The following LRP2 variants were observed in gnomAD, a reference collection of about 807,000 sequenced individuals.
LRP2 encodes the protein low-density lipoprotein receptor-related protein 2.
In LRP2, 172 loss-of-function variants were observed where a neutral mutation model predicts 531.0. That is an observed-to-expected ratio of 0.32 (90% CI 0.29 to 0.37). The LOEUF is 0.37. LRP2 is among the 10% of genes least tolerant of loss of function. LRP2 has a pLI of 1.00. For missense variants in LRP2, 5,167 were observed against 5,868.3 expected, an observed-to-expected ratio of 0.88 and a Z score of 3.90; for synonymous variants, 1,992 against 2,027.6, an observed-to-expected ratio of 0.98 and a Z score of 0.47.
At chr2:169,197,684 C>T (rs1413248941) in intron 45 of LRP2, among the ~76,000 whole-genome samples, 1 of 152,144 alleles carries the variant, frequency 6.6e-6, no homozygotes, top group African/African-American at 2.4e-5. Context: ...TGCTTTGGCC[C>T]CTGATATCTG....
intron 4 of LRP2, among the ~76,000 whole-genome samples, chr2:169,299,147 GAAAGAAAGAAAAAAAGAAAGAAAGAA>G (rs1559064010): frequency 0.24 from 10,231 of 42,970 alleles, 1,036 homozygotes; most frequent in Middle Eastern, 0.3. Context: ...AAGAAAGAAA[GAAAGAAAGAAAAAAAGAAAGAAAGAA>G]AAAGAAAGAA....
chr2:169,160,361 G>A (rs1048462848), intron 63 of LRP2, among the ~76,000 whole-genome samples: 28 of 151,918 alleles, frequency 1.8e-4, no homozygotes, highest in African/African-American at 6.8e-4. Context: ...CTATATATAA[G>A]TACATCAAAA....
rs1683935568 is a variant in LRP2 at position 169,289,149 on chromosome 2, A to T, written c.923-4T>A. The T allele has an allele frequency of 6.2e-7, 1 of 1,613,892 alleles. No individual in the cohort carries two copies. The highest frequency in any genetic ancestry group is 1.7e-5 in the Admixed American group (1 of 60,002). On this transcript the variant is annotated splice_polypyrimidine_tract_variant and splice_region_variant and intron_variant, in intron 8 of 78. Coordinates refer to ENST00000649046, the MANE Select transcript of LRP2 (RefSeq NM_004525.3). Reference sequence around the variant, plus strand: ...AAGGCAGAGCACAGAGTCATACCTAAACGAAGAAAAGAACTTTGTTAAATG... The same window carrying T: ...AAGGCAGAGCACAGAGTCATACCTATACGAAGAAAAGAACTTTGTTAAATG...
rs140748929 is a variant in LRP2 at position 169,241,101 on chromosome 2, C to G, written c.3932G>C (p.Arg1311Pro). ...DEKDCPTQPF[R>P]CPSWQWQCLG... ...ACACTGCCATTGCCAACTAGGACAG[C>G]GAAAGGGCTGAGTAGGGCAGTCCTT... The change falls in exon 25 of 79, where the codon CGC (arginine) becomes CCC (proline). Residue 1311 changes from arginine to proline, a missense_variant. This residue lies in a region of LRP2 where 2,811 missense variants were observed against 3,058.0 expected (regional missense o/e 0.92). Transcript: ENST00000649046. The G allele has an allele frequency of 1.9e-5, 30 of 1,613,804 alleles. No individual in the cohort carries two copies. The highest frequency in any genetic ancestry group is 3.3e-4 in the Middle Eastern group (2 of 6,084).
chr2:169,169,427 G>T (rs1027016620), intron 60 of LRP2, among the ~76,000 whole-genome samples: 7 of 152,164 alleles, frequency 4.6e-5, no homozygotes, highest in Non-Finnish European at 7.3e-5. Context: ...TCTAATTAAT[G>T]ATTTGTATAG....
intron 70 of LRP2, among the ~76,000 whole-genome samples, chr2:169,145,391 A>G (rs1685870540): frequency 6.6e-6 from 1 of 152,224 alleles, no homozygotes; most frequent in Admixed American, 6.5e-5. Flanking sequence ...TCTGATGCCT[A>G]TGAAACCCAT....
chr2:169,334,091 T>C (rs1201772720), intron 1 of LRP2, among the ~76,000 whole-genome samples: 1 of 152,128 alleles, frequency 6.6e-6, no homozygotes, highest in East Asian at 1.9e-4. Context: ...AAATTACAAG[T>C]TTATCTGCAG....
chr2:169,344,741 T>C (rs1427507892), intron 1 of LRP2, among the ~76,000 whole-genome samples: 1 of 152,178 alleles, frequency 6.6e-6, no homozygotes, highest in Non-Finnish European at 1.5e-5. Flanking sequence ...TAGAGTGTGT[T>C]TCAGGATTGC....
chr2:169,335,945 G>T (rs1448093413), intron 1 of LRP2, among the ~76,000 whole-genome samples: 1 of 150,938 alleles, frequency 6.6e-6, no homozygotes, highest in Non-Finnish European at 1.5e-5. Context: ...AACCCAGGAG[G>T]CAGAAGTTGC....
intron 1 of LRP2, among the ~76,000 whole-genome samples, chr2:169,347,379 G>A (rs1397731386): frequency 6.6e-6 from 1 of 152,098 alleles, no homozygotes; most frequent in Non-Finnish European, 1.5e-5. Context: ...AGTGTTCTCC[G>A]GGAAGTAAAG....
chr2:169,332,882 A>C (rs1230061870), intron 1 of LRP2, among the ~76,000 whole-genome samples: 1 of 152,216 alleles, frequency 6.6e-6, no homozygotes, highest in Non-Finnish European at 1.5e-5. Context: ...TTATTCACAC[A>C]AACACTAAAC....
At chr2:169,315,750 T>C (rs1684741051) in intron 3 of LRP2, among the ~76,000 whole-genome samples, 1 of 151,938 alleles carries the variant, frequency 6.6e-6, no homozygotes, top group Non-Finnish European at 1.5e-5. Context: ...AATCTAAGGA[T>C]CCACAGAACT....
intron 17 of LRP2, among the ~76,000 whole-genome samples, chr2:169,258,685 A>C (rs1043608220): frequency 2.6e-5 from 4 of 152,104 alleles, no homozygotes; most frequent in Non-Finnish European, 4.4e-5. Context: ...GCAGGGAAAG[A>C]ATTTGGGTCT....
chr2:169,331,844 A>T (rs1378015031), intron 1 of LRP2, among the ~76,000 whole-genome samples: 1 of 152,182 alleles, frequency 6.6e-6, no homozygotes, highest in Non-Finnish European at 1.5e-5. Flanking sequence ...CGGCTTTTTG[A>T]TTAGCAATAT....
intron 75 of LRP2, among the ~76,000 whole-genome samples, 181 bp downstream of exon 75, chr2:169,138,396 C>T (rs900738916): frequency 2.0e-5 from 3 of 152,144 alleles, no homozygotes; most frequent in Admixed American, 2.0e-4. Context: ...AATGTTATTA[C>T]CAATGTTTTT....
chr2:169,299,127 G>GAAAGAAAAAAAGAAAGAAAGAA (rs1559063878), intron 4 of LRP2, among the ~76,000 whole-genome samples: 2 of 84,890 alleles, frequency 2.4e-5, no homozygotes, highest in African/African-American at 9.0e-5. Context: ...AAGAAAGAAA[G>GAAAGAAAAAAAGAAAGAAAGAA]AAAGAAAGAA....
In LRP2 at chr2:169,246,772, A is replaced by C; in HGVS notation, c.3123T>G (p.Asn1041Lys). The C allele has an allele frequency of 1.9e-6, 3 of 1,614,206 alleles. No individual in the cohort carries two copies. Among genetic ancestry groups the C allele is most frequent in the Non-Finnish European group, 2.5e-6 (3 of 1,180,036 alleles). The stretch of plus-strand genomic sequence containing the variant: ...CATCGACTCCATCACAGAGATAGTA[A>C]TTGGGCACACATCTGCCATTTTTAC... The part of the protein sequence containing the change: ...FPCKNGRCVP[N>K]YYLCDGVDDC... The change falls in exon 21 of 79, where the codon AAT becomes AAG. Residue 1041 changes from asparagine to lysine, a missense_variant. This residue lies in a region of LRP2 where 2,811 missense variants were observed against 3,058.0 expected (regional missense o/e 0.92). Coordinates refer to ENST00000649046, the MANE Select transcript of LRP2 (RefSeq NM_004525.3).
At chr2:169,134,710 C>T (rs551100626) in intron 76 of LRP2, among the ~76,000 whole-genome samples, 1 of 152,300 alleles carries the variant, frequency 6.6e-6, no homozygotes, top group East Asian at 1.9e-4. Context: ...AGTATTTATA[C>T]TGACTCTATA....
intron 1 of LRP2, among the ~76,000 whole-genome samples, chr2:169,340,419 A>G (rs1274941442): frequency 6.6e-6 from 1 of 152,168 alleles, no homozygotes; most frequent in African/African-American, 2.4e-5. Context: ...CAGGTGAACT[A>G]TGTGCTGAGC....
Sources: gnomAD v4.1 joint callset for allele counts (sites outside exome capture counted in the v4.1 genomes callset) on GRCh38, gnomAD v4.1.1 for gene constraint, gnomAD v4.1.1 regional missense constraint, MANE v1.5 for transcripts, NCBI Gene and HGNC (gene_info 2026-07-23, HGNC 2026-07-21) for gene names.